Variants in SLC35A3 observed in about 807,000 individuals in gnomAD.
SLC35A3 encodes the protein solute carrier family 35 member A3.
In SLC35A3, 26 loss-of-function variants were observed where a neutral mutation model predicts 39.0. The ratio of observed to expected loss-of-function variants is 0.67; its 90% CI spans 0.49 to 0.92. The LOEUF (loss-of-function observed/expected upper bound fraction) is 0.92. SLC35A3 is among the 40% of genes least tolerant of loss of function. The probability of loss-of-function intolerance (pLI) is 0.00; values close to 1 mark genes in which losing one functional copy is unlikely to be tolerated. For synonymous variants in SLC35A3, 135 were observed against 133.1 expected, an observed-to-expected ratio of 1.01 and a Z score of -0.10; for missense variants, 299 against 371.6, an observed-to-expected ratio of 0.80 and a Z score of 1.61.
chr1:100,019,981 C>G (rs80194374), intron 7 of SLC35A3, among the ~76,000 whole-genome samples: 1,596 of 152,256 alleles, frequency 0.01, 15 homozygotes, highest in Middle Eastern at 0.058. Context: ...GCCTGCTGGC[C>G]ACTGTGCTAG....
rs1168936407 is a variant in SLC35A3, at chr1:100,033,298, A to AC, written c.*10822_*10823insC. ...AGTGAGATCCTGTCTCTACAAAAAA[A>AC]AAAAAAAAGATAAATTTTTTCGAAA... is the stretch of plus-strand genomic sequence containing the variant. On this transcript the variant is annotated 3_prime_UTR_variant, in exon 8 of 8. Coordinates refer to ENST00000533028, the MANE Select transcript of SLC35A3 (RefSeq NM_012243.3). 1 of 152,022 alleles carries AC rather than the reference A, an allele frequency of 6.6e-6. No homozygotes were observed. Among genetic ancestry groups the AC allele is most frequent in the East Asian group, 1.9e-4 (1 of 5,194 alleles). The allele number at this position is 152,022 out of a possible 1,614,324, so 9.4% of individuals were successfully genotyped here.
At chr1:99,979,914 C>T (rs918018169) in intron 1 of SLC35A3, among the ~76,000 whole-genome samples, 1 of 151,728 alleles carries the variant, frequency 6.6e-6, no homozygotes, top group Non-Finnish European at 1.5e-5. Context: ...CATGGTGGTG[C>T]AAGCCTATAA....
intron 3 of SLC35A3, among the ~76,000 whole-genome samples, chr1:100,006,562 T>C (rs1305931903): frequency 1.3e-5 from 2 of 152,066 alleles, no homozygotes; most frequent in Non-Finnish European, 2.9e-5. Flanking sequence ...GCAGGGTCAG[T>C]CGCTAGCCCC....
In SLC35A3 at chr1:100,015,290, A is replaced by G; in HGVS notation, c.635-12A>G. On this transcript the variant is annotated splice_polypyrimidine_tract_variant and intron_variant, in intron 5 of 7. Coordinates refer to ENST00000533028, the MANE Select transcript of SLC35A3 (RefSeq NM_012243.3). ...CTAAACGATATATCATGTAGACTTT[A>G]CTTTTTTTTAGGTTTCTTTGGAAGT... 6.3e-7 allele frequency: 1 copy of G among 1,589,880 alleles called. No homozygotes were observed. The highest frequency in any genetic ancestry group is 1.2e-5 in the South Asian group (1 of 86,298).
At position 100,033,445 on chromosome 1, in the gene SLC35A3, T is replaced by G. The variant is rs946513806; in HGVS notation, c.*10969T>G. On this transcript the variant is annotated 3_prime_UTR_variant, in exon 8 of 8. Transcript: ENST00000533028. ...ATAAGTAATTATTATAAGTATTTTC[T>G]TAGTTTTCCAATTTATCTTTCATGT... The G allele has an allele frequency of 6.6e-5, 10 of 152,344 alleles. No homozygotes were observed. Among genetic ancestry groups the G allele is most frequent in the African/African-American group, 2.4e-4 (10 of 41,580 alleles). 9.4% of individuals were successfully genotyped at this position (152,344 alleles called of 1,614,324 possible). A position where few individuals can be genotyped will look rare whatever the true frequency, so the allele number is the denominator to read the frequency against.
At position 100,029,356 on chromosome 1, in the gene SLC35A3, T is replaced by C. The variant is rs918881592; in HGVS notation, c.*6880T>C. 6.6e-6 allele frequency: 1 copy of C among 152,174 alleles called. No homozygotes were observed. The highest frequency in any genetic ancestry group is 1.5e-5 in the Non-Finnish European group (1 of 68,034). The allele number at this position is 152,174 out of a possible 1,614,324, so 9.4% of individuals were successfully genotyped here. On this transcript the variant is annotated 3_prime_UTR_variant, in exon 8 of 8. Transcript: ENST00000533028. ...TCTTACTACACAAAGACCATTCATC[T>C]CTATACACTTCCTTCTGAATTGATG... is the stretch of plus-strand genomic sequence containing the variant.
At chr1:99,971,960 C>G (rs1250244056) in intron 1 of SLC35A3, among the ~76,000 whole-genome samples, 1 of 151,916 alleles carries the variant, frequency 6.6e-6, no homozygotes, top group Non-Finnish European at 1.5e-5. Flanking sequence ...TTCAATGTTG[C>G]GATCTCGGCT....
At chr1:99,973,798 C>T (rs1369746713) in intron 1 of SLC35A3, among the ~76,000 whole-genome samples, 2 of 152,142 alleles carry the variant, frequency 1.3e-5, no homozygotes, top group Non-Finnish European at 2.9e-5. Context: ...AGGCGGATCA[C>T]GAGGTCAGGA....
intron 1 of SLC35A3, among the ~76,000 whole-genome samples, chr1:99,983,537 TCAAAACAAAA>T (rs111846657): frequency 2.7e-4 from 40 of 150,318 alleles, no homozygotes; most frequent in African/African-American, 4.4e-4. Flanking sequence ...AGACTCCGTC[TCAAAACAAAA>T]CAAAACAAAA....
intron 3 of SLC35A3, among the ~76,000 whole-genome samples, 196 bp from the exon 4 acceptor site, chr1:100,006,838 A>G (rs1237510231): frequency 3.3e-5 from 5 of 152,248 alleles, no homozygotes; most frequent in Non-Finnish European, 1.5e-5. Flanking sequence ...ATTATTGCCT[A>G]AAGTGTCCAG....
intron 2 of SLC35A3, among the ~76,000 whole-genome samples, chr1:99,998,878 G>A (rs912028816): frequency 6.6e-6 from 1 of 152,058 alleles, no homozygotes; most frequent in Non-Finnish European, 1.5e-5. Context: ...GGCATGAATG[G>A]CTGATGATAA....
In SLC35A3 at chr1:100,025,785, A is replaced by G. The variant is rs1051519107; in HGVS notation, c.*3309A>G. 3 of 152,242 alleles carry G rather than the reference A, an allele frequency of 2.0e-5. No individual in the cohort carries two copies. The highest frequency in any genetic ancestry group is 7.2e-5 in the African/African-American group (3 of 41,560). The allele number at this position is 152,242 out of a possible 1,614,324, so 9.4% of individuals were successfully genotyped here. On this transcript the variant is annotated 3_prime_UTR_variant, in exon 8 of 8. Transcript: ENST00000533028. Reference sequence around the variant, plus strand: ...CATTATTTAAATTCCTATACTTTTTATTTGTTATCACGCAACTACTTTGTT... The same window carrying G: ...CATTATTTAAATTCCTATACTTTTTGTTTGTTATCACGCAACTACTTTGTT...
In SLC35A3 at chr1:100,030,095, G is replaced by A. The variant is rs1251186979; in HGVS notation, c.*7619G>A. ...AGTTGTTATTTTGGCTCACAGTAGG[G>A]CTTCACTAGTGTTAGGATCACATTT... On this transcript the variant is annotated 3_prime_UTR_variant, in exon 8 of 8. Coordinates refer to ENST00000533028, the MANE Select transcript of SLC35A3 (RefSeq NM_012243.3). 6.6e-6 allele frequency: 1 copy of A among 152,156 alleles called. No individual in the cohort carries two copies. The highest frequency in any genetic ancestry group is 1.5e-5 in the Non-Finnish European group (1 of 68,026). 9.4% of individuals were successfully genotyped at this position (152,156 alleles called of 1,614,324 possible). A position where few individuals can be genotyped will look rare whatever the true frequency, so the allele number is the denominator to read the frequency against.
At chr1:100,007,187 T>A (rs1360492316) in intron 4 of SLC35A3, 31 bp downstream of exon 4, 14 of 1,549,276 alleles carry the variant, frequency 9.0e-6, no homozygotes, top group Non-Finnish European at 1.1e-5. Flanking sequence ...TATATTTTTA[T>A]CTTTATTGTG....
chr1:100,026,236 G>A lies in SLC35A3; in HGVS notation c.*3760G>A, dbSNP rs189152904. The A allele has an allele frequency of 5.8e-4, 88 of 152,124 alleles. No individual in the cohort carries two copies. Among genetic ancestry groups the A allele is most frequent in the African/African-American group, 2.1e-3 (86 of 41,518 alleles). 9.4% of individuals were successfully genotyped at this position (152,124 alleles called of 1,614,324 possible). On this transcript the variant is annotated 3_prime_UTR_variant, in exon 8 of 8. Coordinates refer to ENST00000533028, the MANE Select transcript of SLC35A3 (RefSeq NM_012243.3). Reference sequence around the variant, plus strand: ...GTTGGGTTTTTTCTTAAAGGGTTTAGCATCACTCATTTGATTTACACATTC... The same window carrying A: ...GTTGGGTTTTTTCTTAAAGGGTTTAACATCACTCATTTGATTTACACATTC...
chr1:99,972,626 G>A lies in SLC35A3; in HGVS notation c.-19+2464G>A, dbSNP rs1008516630. ...GCTGGAATTACAGGCATGAGCCACCGCGCCCAGCCTGTACTTACTACATTT... is the reference window on the plus strand; with the variant it reads ...GCTGGAATTACAGGCATGAGCCACCACGCCCAGCCTGTACTTACTACATTT... On this transcript the variant is annotated intron_variant, in intron 1 of 7. Transcript: ENST00000533028. Among the ~76,000 whole-genome samples, 16 of 151,936 alleles carry A rather than the reference G, an allele frequency of 1.1e-4. No individual in the cohort carries two copies. In the South Asian group the frequency reaches 1.9e-3, roughly 18 times the overall value.
At chr1:100,011,337 C>G (rs1447586098) in intron 4 of SLC35A3, 28 bp from the exon 5 acceptor site, 1 of 1,286,262 alleles carries the variant, frequency 7.8e-7, no homozygotes, top group Non-Finnish European at 1.1e-6. Context: ...GGAAATTAAA[C>G]TTCAATTTTA....
chr1:99,979,166 C>T (rs1012412690), intron 1 of SLC35A3: 3 of 152,120 alleles, frequency 2.0e-5, no homozygotes, highest in African/African-American at 7.2e-5. Context: ...AAAACAATAG[C>T]AATTTATTCT....
chr1:100,021,036 G>T (rs1360756628), intron 7 of SLC35A3, among the ~76,000 whole-genome samples: 1 of 152,180 alleles, frequency 6.6e-6, no homozygotes, highest in African/African-American at 2.4e-5. Flanking sequence ...TGGACTATTA[G>T]TAGAAACTTT....
Sources: allele counts gnomAD v4.1 joint callset (sites outside exome capture counted in the v4.1 genomes callset), GRCh38; gene constraint gnomAD v4.1.1; transcripts MANE v1.5; gene names NCBI Gene and HGNC (gene_info 2026-07-23, HGNC 2026-07-21).